The following ST3GAL1 variants were observed in gnomAD, a reference collection of about 807,000 sequenced individuals.
ST3GAL1 encodes the protein CMP-N-acetylneuraminate-beta-galactosamide-alpha-2,3-sialyltransferase 1.
In ST3GAL1, 16 loss-of-function variants were observed where a neutral mutation model predicts 34.1. The ratio of observed to expected loss-of-function variants is 0.47; its 90% CI spans 0.32 to 0.71. ST3GAL1 has a LOEUF of 0.71. ST3GAL1 is among the 30% of genes least tolerant of loss of function. ST3GAL1 has a pLI of 0.04. For missense variants in ST3GAL1, 353 were observed against 447.4 expected (o/e 0.79, Z 1.90); for synonymous variants, 191 against 184.7 (o/e 1.03, Z -0.28).
At chr8:133,533,753 T>TAACA (rs1306989212) in intron 2 of ST3GAL1, among the ~76,000 whole-genome samples, 6 of 152,184 alleles carry the variant, frequency 3.9e-5, no homozygotes, top group Admixed American at 2.6e-4. Flanking sequence ...TCACAATGGG[T>TAACA]AACAGGTGGC....
chr8:133,513,670 C>T lies in ST3GAL1; in HGVS notation c.-428-14481G>A, dbSNP rs376314129. Among the ~76,000 whole-genome samples, 250 of 152,022 alleles carry T rather than the reference C, an allele frequency of 1.6e-3. 1 individual carries two copies. Among genetic ancestry groups the T allele is most frequent in the African/African-American group, 5.6e-3 (233 of 41,466 alleles). On this transcript the variant is annotated intron_variant, in intron 2 of 9. Transcript: ENST00000522652. ...CAATACTTTGGGAGGCTGAGGCGGGCGGATCACAAGGTCAGGAGTTCAAGA... is the reference window on the plus strand; with the variant it reads ...CAATACTTTGGGAGGCTGAGGCGGGTGGATCACAAGGTCAGGAGTTCAAGA...
chr8:133,483,376 C>T (rs952849034), intron 3 of ST3GAL1, among the ~76,000 whole-genome samples: 2 of 152,064 alleles, frequency 1.3e-5, no homozygotes, highest in Non-Finnish European at 2.9e-5. Flanking sequence ...TCACACGAAG[C>T]GTTGCTGTGG....
At chr8:133,470,223 C>A (rs1250876260) in intron 5 of ST3GAL1, among the ~76,000 whole-genome samples, 1 of 152,142 alleles carries the variant, frequency 6.6e-6, no homozygotes. Flanking sequence ...AGTTTGAGAC[C>A]AGCCTGACCA....
At chr8:133,492,577 C>T (rs1174416213) in intron 3 of ST3GAL1, among the ~76,000 whole-genome samples, 1 of 152,148 alleles carries the variant, frequency 6.6e-6, no homozygotes, top group Non-Finnish European at 1.5e-5. Context: ...CAAAAATTAT[C>T]TGGGCGTAGT....
chr8:133,540,736 T>TAGAGAGAC (rs1818444512), intron 2 of ST3GAL1, among the ~76,000 whole-genome samples: 1 of 96,228 alleles, frequency 1.0e-5, no homozygotes, highest in Admixed American at 1.1e-4. Flanking sequence ...GACATATATA[T>TAGAGAGAC]ATATATAGAC....
intron 8 of ST3GAL1, 122 bp from the exon 9 acceptor site, chr8:133,462,116 T>C: frequency 1.4e-6 from 2 of 1,427,006 alleles, no homozygotes; most frequent in Non-Finnish European, 1.9e-6. Context: ...TAGATACGCC[T>C]GCACTTGTGG....
intron 1 of ST3GAL1, among the ~76,000 whole-genome samples, chr8:133,562,841 C>CCTTTCTTTTTCTTT (rs1554621252): frequency 0.015 from 1,209 of 82,436 alleles, 43 homozygotes; most frequent in African/African-American, 0.051. Flanking sequence ...TTCCTTCCTT[C>CCTTTCTTTTTCTTT]CTTTCTTTCT....
chr8:133,541,466 C>G (rs902650904), intron 2 of ST3GAL1, among the ~76,000 whole-genome samples: 1 of 152,060 alleles, frequency 6.6e-6, no homozygotes, highest in Non-Finnish European at 1.5e-5. Flanking sequence ...AGTCCTGCAT[C>G]CCCCACAGAA....
At chr8:133,531,222 T>C (rs923573832) in intron 2 of ST3GAL1, among the ~76,000 whole-genome samples, 2 of 152,212 alleles carry the variant, frequency 1.3e-5, no homozygotes, top group African/African-American at 4.8e-5. Flanking sequence ...ATGTAATATA[T>C]ATATAGCATA....
rs569769306 is a variant in ST3GAL1, at chr8:133,536,811, C to T, written c.-429+8963G>A. Among the ~76,000 whole-genome samples the T allele has an allele frequency of 2.4e-3, 373 of 152,290 alleles. 2 individuals are homozygous for T. Among genetic ancestry groups the T allele is most frequent in the African/African-American group, 8.2e-3 (340 of 41,544 alleles). ...TCCCAAGTGGGTACTATTACTACTT[C>T]CTTTTTTACAGATGGGGAAACCAAG... is the stretch of plus-strand genomic sequence containing the variant. On this transcript the variant is annotated intron_variant, in intron 2 of 9. Coordinates refer to ENST00000522652, the MANE Select transcript of ST3GAL1 (RefSeq NM_173344.3).
At position 133,508,216 on chromosome 8, in the gene ST3GAL1, C is replaced by A. The variant is rs1193445917; in HGVS notation, c.-428-9027G>T. 6.6e-6 allele frequency among the ~76,000 whole-genome samples: 1 copy of A among 152,242 alleles called. No individual in the cohort carries two copies. ...CCTGGAGTCTGATTCAAACACCAAA[C>A]TACCTGGACTCCAGAGTCCAGAACA... On this transcript the variant is annotated intron_variant, in intron 2 of 9. Coordinates refer to ENST00000522652, the MANE Select transcript of ST3GAL1 (RefSeq NM_173344.3). The surrounding 1 kb of genome is among the most constrained non-coding windows in gnomAD (Gnocchi z 4.1).
Position 133,467,088 on chromosome 8 carries a change from C to G in ST3GAL1, c.307-998G>C, listed in dbSNP as rs974295116. Among the ~76,000 whole-genome samples, 1 of 148,766 alleles carries G rather than the reference C, an allele frequency of 6.7e-6. No homozygotes were observed. Among genetic ancestry groups the G allele is most frequent in the South Asian group, 2.1e-4 (1 of 4,684 alleles). On this transcript the variant is annotated intron_variant, in intron 5 of 9. Transcript: ENST00000522652. The surrounding 1 kb of genome is among the most constrained non-coding windows in gnomAD (Gnocchi z 4.2). ...TCAGCCTGGGTGACAGAGCGAGACT[C>G]CAACTCGAAAAAAAAAAAAAAAAGA...
chr8:133,483,880 G>T (rs1431538288), intron 3 of ST3GAL1, among the ~76,000 whole-genome samples: 2 of 152,106 alleles, frequency 1.3e-5, no homozygotes, highest in African/African-American at 2.4e-5. Context: ...CCCAGGAAAA[G>T]GTTCCTCAAA....
chr8:133,510,903 G>A (rs1817482985), intron 2 of ST3GAL1, among the ~76,000 whole-genome samples: 1 of 152,218 alleles, frequency 6.6e-6, no homozygotes, highest in African/African-American at 2.4e-5. Flanking sequence ...TGAAGCAGGT[G>A]ACTGCGGCGG....
At chr8:133,484,635 C>T (rs1188511855) in intron 3 of ST3GAL1, among the ~76,000 whole-genome samples, 2 of 152,290 alleles carry the variant, frequency 1.3e-5, no homozygotes, top group Non-Finnish European at 2.9e-5. Context: ...CCTTGTGCCC[C>T]TGTGTTATTA....
chr8:133,486,557 A>G (rs1474205757), intron 3 of ST3GAL1, among the ~76,000 whole-genome samples: 1 of 152,204 alleles, frequency 6.6e-6, no homozygotes, highest in Non-Finnish European at 1.5e-5. Context: ...ACATCATCCA[A>G]GAGAAACAGG....
intron 2 of ST3GAL1, among the ~76,000 whole-genome samples, chr8:133,528,819 T>C (rs1352985054): frequency 6.6e-6 from 1 of 152,132 alleles, no homozygotes; most frequent in African/African-American, 2.4e-5. Context: ...ACATTTCCCC[T>C]CTCCACCCCA....
In ST3GAL1 at chr8:133,477,215, TA is replaced by T. The variant is rs554805139; in HGVS notation, c.-373-616del. Reference sequence around the variant, plus strand: ...CTAACACCCCTACTTATAGAATGGTTATGAAGATAAGATAAAATGATGTATG... The same window carrying T: ...CTAACACCCCTACTTATAGAATGGTTTGAAGATAAGATAAAATGATGTATG... On this transcript the variant is annotated intron_variant, in intron 3 of 9. Coordinates refer to ENST00000522652, the MANE Select transcript of ST3GAL1 (RefSeq NM_173344.3). 4.4e-4 allele frequency among the ~76,000 whole-genome samples: 67 copies of T among 152,336 alleles called. No individual in the cohort carries two copies. The South Asian group carries it at 9.3e-3, about 21-fold the overall frequency.
intron 2 of ST3GAL1, among the ~76,000 whole-genome samples, chr8:133,525,012 T>G (rs1351759603): frequency 2.6e-5 from 4 of 151,984 alleles, no homozygotes; most frequent in African/African-American, 9.7e-5. Context: ...GGGAGGAGGG[T>G]GTGTTTCAGC....
Sources: gnomAD v4.1 joint callset for allele counts (sites outside exome capture counted in the v4.1 genomes callset) on GRCh38, gnomAD v4.1.1 for gene constraint, Gnocchi (gnomAD v3.1) non-coding constraint, MANE v1.5 for transcripts, NCBI Gene and HGNC (gene_info 2026-07-23, HGNC 2026-07-21) for gene names.